CENPU: variants seen among roughly 807,000 people sequenced by gnomAD.
The protein encoded by CENPU is centromere protein U.
Under a neutral mutation model 56.7 loss-of-function variants are expected in CENPU, and 46 were observed. The observed-to-expected ratio is 0.81, with a 90% CI of 0.64 to 1.04. The LOEUF (loss-of-function observed/expected upper bound fraction) is 1.04. CENPU is among the 50% of genes least tolerant of loss of function. CENPU has a pLI of 0.00. For synonymous variants in CENPU, 166 were observed against 163.0 expected, an observed-to-expected ratio of 1.02 and a Z score of -0.14; for missense variants, 510 against 490.1, an observed-to-expected ratio of 1.04 and a Z score of -0.38.
chr4:184,714,465 C>G (rs540435304), intron 6 of CENPU, among the ~76,000 whole-genome samples: 2 of 152,028 alleles, frequency 1.3e-5, no homozygotes, highest in South Asian at 4.1e-4. Flanking sequence ...AAACATATGA[C>G]AAAACAGCAC....
chr4:184,713,133 G>T lies in CENPU; in HGVS notation c.619-120C>A, dbSNP rs1239156263. 3.0e-5 allele frequency: 19 copies of T among 626,170 alleles called. No homozygotes were observed. The South Asian group carries it at 3.2e-4, about 10-fold the overall frequency. 38.8% of individuals were successfully genotyped at this position (626,170 alleles called of 1,614,324 possible). A position where few individuals can be genotyped will look rare whatever the true frequency, so the allele number is the denominator to read the frequency against. On this transcript the variant is annotated intron_variant, in intron 6 of 12. Transcript: ENST00000281453. The stretch of plus-strand genomic sequence containing the variant: ...TAGCTGCGCACAGTGGCACATGCCT[G>T]TAATCCCAGCACTTTGGGAGGCTGA...
intron 11 of CENPU, among the ~76,000 whole-genome samples, chr4:184,698,865 C>T (rs1579754352): frequency 6.7e-6 from 1 of 150,298 alleles, no homozygotes; most frequent in Non-Finnish European, 1.5e-5. Context: ...AATCCTGGCT[C>T]CCTGACTTCC....
chr4:184,723,735 C>T (rs190507985), intron 4 of CENPU, among the ~76,000 whole-genome samples: 48 of 149,568 alleles, frequency 3.2e-4, no homozygotes, highest in African/African-American at 1.1e-3. Flanking sequence ...CCAAGCTACT[C>T]GGGAGGGTGA....
rs761113831 is a variant in CENPU at position 184,694,786 on chromosome 4, C to A, written c.*502G>T. ...AGAAGTATTACAAGAGTAACTAATT[C>A]ACTATGAACACTTTTGTCACCAGGC... On this transcript the variant is annotated 3_prime_UTR_variant, in exon 13 of 13. Transcript: ENST00000281453. 2.5e-6 allele frequency: 4 copies of A among 1,595,656 alleles called. No homozygotes were observed. The African/African-American group carries it at 5.4e-5, about 21-fold the overall frequency.
chr4:184,698,698 C>T (rs534794878), intron 11 of CENPU, among the ~76,000 whole-genome samples: 1 of 152,296 alleles, frequency 6.6e-6, no homozygotes, highest in South Asian at 2.1e-4. Context: ...ATCCACCCGC[C>T]CCAGCCTCCC....
Position 184,734,044 on chromosome 4 carries a change from G to GCCGCCC in CENPU, c.13_18dup (p.Gly5_Arg6dup), listed in dbSNP as rs756480532. ...TCAGACCTGTGAGGCCGCGGCCGCC[G>GCCGCCC]CCGCCCCCGCGGGGCCATGGTGCCG... is the stretch of plus-strand genomic sequence containing the variant. On this transcript the variant is annotated inframe_insertion, in exon 1 of 13. Transcript: ENST00000281453. The GCCGCCC allele has an allele frequency of 1.9e-6, 3 of 1,573,608 alleles. No homozygotes were observed. The highest frequency in any genetic ancestry group is 2.6e-6 in the Non-Finnish European group (3 of 1,161,886).
intron 6 of CENPU, among the ~76,000 whole-genome samples, chr4:184,714,397 A>G (rs534496950): frequency 2.0e-5 from 3 of 152,208 alleles, no homozygotes; most frequent in Non-Finnish European, 4.4e-5. Flanking sequence ...TCTTAAAAAA[A>G]CAACTCTTTC....
At chr4:184,726,348 A>G (rs1340548531) in intron 3 of CENPU, among the ~76,000 whole-genome samples, 1 of 151,316 alleles carries the variant, frequency 6.6e-6, no homozygotes, top group Non-Finnish European at 1.5e-5. Context: ...ATGGCCAATA[A>G]TCATACATAA....
chr4:184,694,566 T>G lies in CENPU; in HGVS notation c.*722A>C. On this transcript the variant is annotated 3_prime_UTR_variant, in exon 13 of 13. Transcript: ENST00000281453. ...ATGAAGCAGATGAAACTAGGAGCAA[T>G]GAAACCCAGAATCCTCATAAACCAT... The G allele has an allele frequency of 6.2e-7, 1 of 1,614,016 alleles. No homozygotes were observed. Among genetic ancestry groups the G allele is most frequent in the Non-Finnish European group, 8.5e-7 (1 of 1,179,916 alleles).
Position 184,725,013 on chromosome 4 carries a change from G to T in CENPU, c.264C>A (p.Ser88=). The T allele has an allele frequency of 6.2e-7, 1 of 1,613,284 alleles. No homozygotes were observed. The highest frequency in any genetic ancestry group is 2.2e-5 in the East Asian group (1 of 44,788). Residue 88 remains serine, a synonymous_variant, in exon 4 of 13, where the codon TCC becomes TCA. Transcript: ENST00000281453. ...AAGAGAGAGACAGTCCACAATGTTT[G>T]GAGAATTCTTCTTCATCAGCATATA... ...TAIYADEEEF[S]KHCGLSLSST... is the part of the protein sequence containing the mutation.
chr4:184,733,287 T>C (rs1212684879), intron 1 of CENPU: 1 of 985,348 alleles, frequency 1.0e-6, no homozygotes, highest in Non-Finnish European at 1.2e-6. Flanking sequence ...TAACCCCGCA[T>C]CTACCAGCAC....
At chr4:184,709,162 G>C (rs190254098) in intron 8 of CENPU, among the ~76,000 whole-genome samples, 2 of 151,974 alleles carry the variant, frequency 1.3e-5, no homozygotes, top group African/African-American at 2.4e-5. Flanking sequence ...ATTTAAGGTC[G>C]CAAAAAGGTT....
At chr4:184,733,968 T>A (rs769692198) in intron 1 of CENPU, 48 bp downstream of exon 1, 1 of 1,610,498 alleles carries the variant, frequency 6.2e-7, no homozygotes, top group Non-Finnish European at 8.5e-7. Flanking sequence ...GAGGAAGCAG[T>A]TCAAGCTGGT....
At chr4:184,722,603 C>T (rs1203109187) in intron 4 of CENPU, among the ~76,000 whole-genome samples, 1 of 151,262 alleles carries the variant, frequency 6.6e-6, no homozygotes, top group Non-Finnish European at 1.5e-5. Context: ...AAATATATCG[C>T]TGCATCTAAA....
Position 184,700,083 on chromosome 4 carries a change from C to A in CENPU, c.986+737G>T, listed in dbSNP as rs1760481674. Among the ~76,000 whole-genome samples, 3 of 152,222 alleles carry A rather than the reference C, an allele frequency of 2.0e-5. No homozygotes were observed. In the South Asian group the frequency reaches 6.2e-4, roughly 31 times the overall value. On this transcript the variant is annotated intron_variant, in intron 11 of 12. Coordinates refer to ENST00000281453, the MANE Select transcript of CENPU (RefSeq NM_024629.4). Reference sequence around the variant, plus strand: ...CTATTTTTAAGCTCAGGAGCAGACACCACATCTAGCACTGTTTTACTACCA... The same window carrying A: ...CTATTTTTAAGCTCAGGAGCAGACAACACATCTAGCACTGTTTTACTACCA...
intron 11 of CENPU, among the ~76,000 whole-genome samples, chr4:184,699,786 G>A (rs1397743720): frequency 2.0e-5 from 3 of 151,802 alleles, no homozygotes; most frequent in Admixed American, 6.6e-5. Flanking sequence ...TCAACCTCCC[G>A]AGTAGCTTGG....
intron 3 of CENPU, among the ~76,000 whole-genome samples, chr4:184,728,205 ATAGGACATTTT>A (rs1761522927): frequency 6.6e-6 from 1 of 152,228 alleles, no homozygotes; most frequent in Admixed American, 6.5e-5. Flanking sequence ...TTTTAGACAA[ATAGGACATTTT>A]TATCAAGTCA....
intron 7 of CENPU, among the ~76,000 whole-genome samples, chr4:184,711,989 C>T (rs568133635): frequency 3.9e-4 from 59 of 151,872 alleles, no homozygotes; most frequent in South Asian, 1.9e-3. Flanking sequence ...GGCATGGTGG[C>T]GTGGGCCTAT....
Position 184,729,052 on chromosome 4 carries a change from T to C in CENPU, c.97-17A>G. On this transcript the variant is annotated splice_polypyrimidine_tract_variant and intron_variant, in intron 2 of 12. Transcript: ENST00000281453. Reference sequence around the variant, plus strand: ...ACCAGCTTTCTAAAAGTGAATAAAGTTGAGTCATTGAGTTGGCTCTCACAA... The same window carrying C: ...ACCAGCTTTCTAAAAGTGAATAAAGCTGAGTCATTGAGTTGGCTCTCACAA... The C allele has an allele frequency of 6.4e-7, 1 of 1,564,150 alleles. No homozygotes were observed. The highest frequency in any genetic ancestry group is 1.4e-5 in the African/African-American group (1 of 73,664).
Sources: gnomAD v4.1 joint callset for allele counts (sites outside exome capture counted in the v4.1 genomes callset) on GRCh38, gnomAD v4.1.1 for gene constraint, MANE v1.5 for transcripts, NCBI Gene and HGNC (gene_info 2026-07-23, HGNC 2026-07-21) for gene names.